The following RAB3IP variants were observed in gnomAD, a reference collection of about 807,000 sequenced individuals.
RAB3IP encodes the protein rab-3A-interacting protein.
Under a neutral mutation model 59.1 loss-of-function variants are expected in RAB3IP, and 36 were observed. That is an observed-to-expected ratio of 0.61 (90% CI 0.47 to 0.80). RAB3IP has a LOEUF of 0.80. Among genes scored for constraint, RAB3IP ranks in the 30% least tolerant of loss-of-function variants. The pLI is 0.00. For synonymous variants in RAB3IP, 207 were observed against 191.2 expected, an observed-to-expected ratio of 1.08 and a Z score of -0.68; for missense variants, 511 against 536.0, an observed-to-expected ratio of 0.95 and a Z score of 0.46.
chr12:69,765,434 T>TA (rs1872038130), intron 3 of RAB3IP, among the ~76,000 whole-genome samples: 1 of 152,218 alleles, frequency 6.6e-6, no homozygotes, highest in Non-Finnish European at 1.5e-5. Flanking sequence ...ATGTTGTGAA[T>TA]CACATTTATT....
chr12:69,759,471 C>T (rs1870846557), intron 3 of RAB3IP, among the ~76,000 whole-genome samples: 1 of 152,000 alleles, frequency 6.6e-6, no homozygotes, highest in African/African-American at 2.4e-5. Context: ...CCATCGTCAT[C>T]ATGGCCCGTT....
At chr12:69,740,386 A>G (rs2136087419) in intron 1 of RAB3IP, among the ~76,000 whole-genome samples, 1 of 152,318 alleles carries the variant, frequency 6.6e-6, no homozygotes, top group Non-Finnish European at 1.5e-5. Context: ...ATGTGATCTA[A>G]TCCTAAAGCC....
At chr12:69,794,370 T>A (rs1279545392) in intron 4 of RAB3IP, 67 bp from the exon 5 acceptor site, 1 of 1,328,004 alleles carries the variant, frequency 7.5e-7, no homozygotes. Flanking sequence ...ATTGTAAACA[T>A]TTGGCAAGAA....
intron 8 of RAB3IP, among the ~76,000 whole-genome samples, chr12:69,804,253 T>C (rs1736686854): frequency 6.6e-6 from 1 of 152,258 alleles, no homozygotes; most frequent in Admixed American, 6.5e-5. Flanking sequence ...TGGCCAGTGA[T>C]GATGAGCATT....
chr12:69,745,430 G>GT (rs35316828), intron 1 of RAB3IP, among the ~76,000 whole-genome samples: 47 of 146,546 alleles, frequency 3.2e-4, no homozygotes, highest in South Asian at 2.4e-3. Context: ...TTTATGTGCT[G>GT]TTTTTTTTTT....
At chr12:69,810,212 A>C (rs890366109) in intron 8 of RAB3IP, among the ~76,000 whole-genome samples, 3 of 152,192 alleles carry the variant, frequency 2.0e-5, no homozygotes, top group African/African-American at 7.2e-5. Flanking sequence ...GCAGAACAGC[A>C]GATAGTGCTG....
intron 1 of RAB3IP, among the ~76,000 whole-genome samples, chr12:69,741,038 A>C (rs1403244145): frequency 6.6e-6 from 1 of 152,244 alleles, no homozygotes; most frequent in Non-Finnish European, 1.5e-5. Flanking sequence ...AAATACTATT[A>C]GGTTGAAATT....
At chr12:69,763,652 A>G (rs189373749) in intron 3 of RAB3IP, among the ~76,000 whole-genome samples, 245 of 152,166 alleles carry the variant, frequency 1.6e-3, no homozygotes, top group African/African-American at 5.1e-3. Flanking sequence ...GTATATGTGC[A>G]GGTATATTAC....
chr12:69,818,320 A>G lies in RAB3IP; in HGVS notation c.*2874A>G, dbSNP rs1417730220. 1 of 152,168 alleles carries G rather than the reference A, an allele frequency of 6.6e-6. No homozygotes were observed. Among genetic ancestry groups the G allele is most frequent in the African/African-American group, 2.4e-5 (1 of 41,422 alleles). 9.4% of individuals were successfully genotyped at this position (152,168 alleles called of 1,614,324 possible). On this transcript the variant is annotated 3_prime_UTR_variant, in exon 11 of 11. Transcript: ENST00000247833. ...TTGAATTAGCTGGGCATGGTGGTGC[A>G]TGCCTGTGGTCCCAGCTACTTGGGA...
In RAB3IP at chr12:69,818,558, ATAAAT is replaced by A. The variant is rs1263628987; in HGVS notation, c.*3117_*3121del. 1 of 152,228 alleles carries A rather than the reference ATAAAT, an allele frequency of 6.6e-6. No homozygotes were observed. Among genetic ancestry groups the A allele is most frequent in the Non-Finnish European group, 1.5e-5 (1 of 68,038 alleles). 9.4% of individuals were successfully genotyped at this position (152,228 alleles called of 1,614,324 possible). A position where few individuals can be genotyped will look rare whatever the true frequency, so the allele number is the denominator to read the frequency against. ...ATCACACATATAAGAATGTTCTGGAATAAATTAAAATGTCTATTTTTAGGAAGGTG... is the reference window on the plus strand; with the variant it reads ...ATCACACATATAAGAATGTTCTGGAATAAAATGTCTATTTTTAGGAAGGTG... On this transcript the variant is annotated 3_prime_UTR_variant, in exon 11 of 11. Transcript: ENST00000247833.
rs1881918487 is a variant in RAB3IP, at chr12:69,822,947, T to C, written c.*7501T>C. On this transcript the variant is annotated 3_prime_UTR_variant, in exon 11 of 11. Transcript: ENST00000247833. ...CATGTTTTAAGAAATATACTTATTG[T>C]TTAATATATCCTGTACCACTGTAGG... is the stretch of plus-strand genomic sequence containing the variant. The C allele has an allele frequency of 6.6e-6, 1 of 152,178 alleles. No homozygotes were observed. Among genetic ancestry groups the C allele is most frequent in the Admixed American group, 6.5e-5 (1 of 15,274 alleles). The allele number at this position is 152,178 out of a possible 1,614,324, so 9.4% of individuals were successfully genotyped here. A position where few individuals can be genotyped will look rare whatever the true frequency, so the allele number is the denominator to read the frequency against.
intron 3 of RAB3IP, among the ~76,000 whole-genome samples, chr12:69,768,353 A>T (rs1396363554): frequency 6.6e-6 from 1 of 152,146 alleles, no homozygotes; most frequent in Middle Eastern, 3.2e-3. Context: ...TGGAGTGGAG[A>T]GAGCTCTGCT....
intron 8 of RAB3IP, among the ~76,000 whole-genome samples, chr12:69,807,955 G>T (rs1230863425): frequency 6.6e-6 from 1 of 152,212 alleles, no homozygotes; most frequent in Non-Finnish European, 1.5e-5. Flanking sequence ...TGGCCAGGCA[G>T]ATCTCTAGTT....
chr12:69,804,405 A>G (rs2136257707), intron 8 of RAB3IP, among the ~76,000 whole-genome samples: 1 of 152,342 alleles, frequency 6.6e-6, no homozygotes, highest in South Asian at 2.1e-4. Context: ...GCCCTTTGTC[A>G]GATGAGTAGG....
rs771672987 is a variant in RAB3IP at position 69,795,207 on chromosome 12, C to T, written c.751C>T (p.Pro251Ser). The T allele has an allele frequency of 6.2e-7, 1 of 1,614,032 alleles. No individual in the cohort carries two copies. The highest frequency in any genetic ancestry group is 1.7e-5 in the Admixed American group (1 of 60,004). The stretch of plus-strand genomic sequence containing the variant: ...TGTATTGTCCAGTTCTCCAACATCA[C>T]CTACGCAGGAGCCTTTGCCAGGTGG... Reference protein sequence around the residue: ...TLVLSSSPTSPTQEPLPGGKT... With the variant: ...TLVLSSSPTSSTQEPLPGGKT... Residue 251 changes from proline to serine, a missense_variant, in exon 6 of 11, where the codon CCT becomes TCT. Coordinates refer to ENST00000247833, the MANE Select transcript of RAB3IP (RefSeq NM_022456.5).
intron 3 of RAB3IP, among the ~76,000 whole-genome samples, chr12:69,770,817 C>T (rs1872986928): frequency 1.3e-5 from 2 of 152,148 alleles, no homozygotes; most frequent in Admixed American, 1.3e-4. Flanking sequence ...ATGATCAAAT[C>T]AGACTAATTA....
chr12:69,759,409 T>C (rs1870828841), intron 3 of RAB3IP, among the ~76,000 whole-genome samples: 1 of 152,132 alleles, frequency 6.6e-6, no homozygotes, highest in African/African-American at 2.4e-5. Context: ...AGCAACAATC[T>C]GATTTCTCTA....
chr12:69,773,208 G>A (rs1231004998), intron 3 of RAB3IP, among the ~76,000 whole-genome samples: 1 of 151,760 alleles, frequency 6.6e-6, no homozygotes, highest in Non-Finnish European at 1.5e-5. Context: ...CTTTTCTCTT[G>A]CTGCTTTCAG....
intron 1 of RAB3IP, among the ~76,000 whole-genome samples, chr12:69,752,540 C>G (rs1315117351): frequency 6.6e-6 from 1 of 152,038 alleles, no homozygotes; most frequent in Non-Finnish European, 1.5e-5. Context: ...TGTCATGTTG[C>G]CAGTTTATCT....
Sources: allele counts gnomAD v4.1 joint callset (sites outside exome capture counted in the v4.1 genomes callset), GRCh38; gene constraint gnomAD v4.1.1; transcripts MANE v1.5; gene names NCBI Gene and HGNC (gene_info 2026-07-23, HGNC 2026-07-21).